The following AKAP8 variants were observed in gnomAD, a reference collection of about 807,000 sequenced individuals.
The protein encoded by AKAP8 is A-kinase anchor protein 8.
Under a neutral mutation model 67.5 loss-of-function variants are expected in AKAP8, and 24 were observed. The observed-to-expected ratio is 0.36, with a 90% CI of 0.26 to 0.50. AKAP8 has a LOEUF of 0.50. AKAP8 is among the 20% of genes least tolerant of loss of function. The pLI is 0.97. For synonymous variants in AKAP8, 400 were observed against 371.1 expected (o/e 1.08, Z -0.90); for missense variants, 971 against 955.9 (o/e 1.02, Z -0.21).
chr19:15,361,927 G>A, intron 10 of AKAP8, 105 bp from the exon 11 acceptor site: 1 of 1,354,666 alleles, frequency 7.4e-7, no homozygotes, highest in East Asian at 2.3e-5. Flanking sequence ...AGCTGCGTGG[G>A]GCAGCACAGC....
At chr19:15,361,109 G>T in intron 11 of AKAP8, 131 bp from the exon 12 acceptor site, 3 of 1,202,410 alleles carry the variant, frequency 2.5e-6, no homozygotes, top group Non-Finnish European at 3.4e-6. Context: ...TTTCTATGGG[G>T]AGTATGGGTC....
At chr19:15,356,153 C>A (rs1043658269) in intron 13 of AKAP8, among the ~76,000 whole-genome samples, 1 of 152,002 alleles carries the variant, frequency 6.6e-6, no homozygotes, top group African/African-American at 2.4e-5. Context: ...GTAATCCCAG[C>A]ACTTTGGGAG....
chr19:15,357,267 C>T (rs1313020954), intron 13 of AKAP8, among the ~76,000 whole-genome samples: 1 of 150,948 alleles, frequency 6.6e-6, no homozygotes, highest in East Asian at 2.0e-4. Context: ...CCACCCCATC[C>T]CCCTGCAAAA....
chr19:15,364,679 G>C (rs1336978571), intron 9 of AKAP8, among the ~76,000 whole-genome samples: 1 of 150,866 alleles, frequency 6.6e-6, no homozygotes, highest in South Asian at 2.1e-4. Flanking sequence ...AGTAGAGACA[G>C]GGTTTCACCA....
chr19:15,374,467 G>T, intron 3 of AKAP8, 136 bp downstream of exon 3: 1 of 1,071,562 alleles, frequency 9.3e-7, no homozygotes, highest in Non-Finnish European at 1.3e-6. Context: ...ATACACAACA[G>T]CAGCCGTGGC....
At chr19:15,361,929 C>A in intron 10 of AKAP8, 107 bp from the exon 11 acceptor site, 1 of 1,342,028 alleles carries the variant, frequency 7.5e-7, no homozygotes, top group Non-Finnish European at 1.0e-6. Flanking sequence ...CTGCGTGGGG[C>A]AGCACAGCAC....
intron 9 of AKAP8, 39 bp downstream of exon 9, chr19:15,368,196 G>A (rs757372100): frequency 6.2e-7 from 1 of 1,606,932 alleles, no homozygotes; most frequent in Admixed American, 1.7e-5. Context: ...CACCGCACGA[G>A]TCCACCTCCT....
intron 1 of AKAP8, among the ~76,000 whole-genome samples, chr19:15,377,465 TC>T (rs1967272865): frequency 6.6e-6 from 1 of 152,222 alleles, no homozygotes; most frequent in African/African-American, 2.4e-5. Flanking sequence ...AAGCTGCACT[TC>T]CTGCCACTTT....
At position 15,354,933 on chromosome 19, in the gene AKAP8, G is replaced by A. The variant is rs747113664; in HGVS notation, c.2061C>T (p.Asp687=). ...EVEQTDAESK[D]AVPTE is the part of the protein sequence containing the mutation. The stretch of plus-strand genomic sequence containing the variant: ...ATGAGCATCATTCTGTGGGAACAGC[G>A]TCTTTAGACTCTGCATCAGTTTGTT... The change falls in exon 14 of 14, where the codon GAC becomes GAT. Residue 687 remains aspartate (D), a synonymous_variant. Transcript: ENST00000269701. The A allele has an allele frequency of 5.3e-5, 86 of 1,613,924 alleles. No homozygotes were observed. In the East Asian group the frequency reaches 7.3e-4, roughly 14 times the overall value.
rs1967203845 is a variant in AKAP8, at chr19:15,373,774, G to A, written c.371+12C>T. 2 of 1,602,052 alleles carry A rather than the reference G, an allele frequency of 1.2e-6. No individual in the cohort carries two copies. Among genetic ancestry groups the A allele is most frequent in the Admixed American group, 3.3e-5 (2 of 59,828 alleles). Reference sequence around the variant, plus strand: ...TGTGGGGTCCCGGGGGAGGGCTTGGGTCCATAATCACCTCTCCCGGTCCTG... The same window carrying A: ...TGTGGGGTCCCGGGGGAGGGCTTGGATCCATAATCACCTCTCCCGGTCCTG... On this transcript the variant is annotated intron_variant, in intron 4 of 13. Transcript: ENST00000269701.
chr19:15,370,431 CCT>C (rs1432674921), intron 7 of AKAP8, among the ~76,000 whole-genome samples: 3 of 152,112 alleles, frequency 2.0e-5, no homozygotes, highest in African/African-American at 7.2e-5. Context: ...ATTCACCCAC[CCT>C]CTCTCGGTTC....
At chr19:15,363,352 G>GT (rs1484975519) in intron 9 of AKAP8, among the ~76,000 whole-genome samples, 1 of 49,138 alleles carries the variant, frequency 2.0e-5, no homozygotes, top group Non-Finnish European at 4.0e-5. Context: ...CGGGAGGGAG[G>GT]TGGGGGGGGG....
At chr19:15,378,506 T>C (rs1421167787) in intron 1 of AKAP8, among the ~76,000 whole-genome samples, 2 of 152,010 alleles carry the variant, frequency 1.3e-5, no homozygotes, top group Admixed American at 6.5e-5. Context: ...AAAGATCTGA[T>C]GGGAAAGAAG....
At chr19:15,370,096 G>C in intron 8 of AKAP8, 50 bp downstream of exon 8, 1 of 1,610,438 alleles carries the variant, frequency 6.2e-7, no homozygotes, top group South Asian at 1.1e-5. Flanking sequence ...AGTAAGTGCG[G>C]GGCAGCTGGG....
chr19:15,377,054 A>G (rs1967265355), intron 1 of AKAP8, 40 bp from the exon 2 acceptor site: 1 of 1,604,888 alleles, frequency 6.2e-7, no homozygotes, highest in Non-Finnish European at 8.5e-7. Flanking sequence ...TATTTGTCAC[A>G]CCAGAGAACG....
In AKAP8 at chr19:15,374,027, T is replaced by C. The variant is rs1568254193; in HGVS notation, c.130A>G (p.Ser44Gly). Residue 44 changes from serine to glycine, a missense_variant, in exon 4 of 14, where the codon AGT becomes GGT. Around this residue, in one of 3 missense-constraint regions of AKAP8, gnomAD observed 763 missense variants for 745.4 expected, o/e 1.02. Coordinates refer to ENST00000269701, the MANE Select transcript of AKAP8 (RefSeq NM_005858.4). ...CTGTAGGTTGCGCCTGTGGTGACAC[T>C]GGTGTTCTGGGCGCCATAGTAATTG... Reference protein sequence around the residue: ...NYNYYGAQNTSVTTGATYSYG... With the variant: ...NYNYYGAQNTGVTTGATYSYG... 3 of 1,592,354 alleles carry C rather than the reference T, an allele frequency of 1.9e-6. No homozygotes were observed. Among genetic ancestry groups the C allele is most frequent in the Non-Finnish European group, 2.6e-6 (3 of 1,171,634 alleles).
chr19:15,376,248 C>A (rs1381286151), intron 2 of AKAP8, among the ~76,000 whole-genome samples: 1 of 152,034 alleles, frequency 6.6e-6, no homozygotes, highest in Non-Finnish European at 1.5e-5. Context: ...TGAGGCCAGG[C>A]GTGGTGGCTC....
At chr19:15,361,174 C>T (rs1163656546) in intron 11 of AKAP8, among the ~76,000 whole-genome samples, 196 bp from the exon 12 acceptor site, 3 of 152,140 alleles carry the variant, frequency 2.0e-5, no homozygotes, top group Admixed American at 1.3e-4. Flanking sequence ...TTCTGTTCCT[C>T]CTGGTTGTTT....
At chr19:15,363,361 G>GT (rs1451384161) in intron 9 of AKAP8, among the ~76,000 whole-genome samples, 1 of 139,900 alleles carries the variant, frequency 7.1e-6, no homozygotes, top group East Asian at 2.3e-4. Context: ...GGTGGGGGGG[G>GT]GTCAGCCCCC....
Sources: allele counts gnomAD v4.1 joint callset (sites outside exome capture counted in the v4.1 genomes callset), GRCh38; gene constraint gnomAD v4.1.1; regional missense constraint gnomAD v4.1.1; transcripts MANE v1.5; gene names NCBI Gene and HGNC (gene_info 2026-07-23, HGNC 2026-07-21).